KALRN: variants seen among roughly 807,000 people sequenced by gnomAD.
KALRN encodes the protein kalirin.
In KALRN, 70 loss-of-function variants were observed where a neutral mutation model predicts 353.7. The ratio of observed to expected loss-of-function variants is 0.20; its 90% confidence interval spans 0.16 to 0.24. KALRN has a LOEUF of 0.24. KALRN is among the 10% of genes least tolerant of loss of function. The pLI, the probability that KALRN is intolerant of heterozygous loss-of-function variation, is 1.00. For missense variants in KALRN, 2,791 were observed against 3,756.7 expected (o/e 0.74, Z 6.72); for synonymous variants, 1,391 against 1,434.8 (o/e 0.97, Z 0.69).
intron 1 of KALRN, among the ~76,000 whole-genome samples, chr3:124,151,141 G>C (rs897477778): frequency 2.6e-5 from 4 of 152,132 alleles, no homozygotes; most frequent in Non-Finnish European, 5.9e-5. Context: ...AGCCGCTATG[G>C]ATACTCTCGT....
At chr3:124,373,037 C>CCCTG (rs2086076866) in intron 10 of KALRN, among the ~76,000 whole-genome samples, 1 of 152,158 alleles carries the variant, frequency 6.6e-6, no homozygotes, top group African/African-American at 2.4e-5. Flanking sequence ...AGAGCCTGGG[C>CCCTG]CCTGCATTGT....
intron 1 of KALRN, among the ~76,000 whole-genome samples, chr3:124,184,344 AGTAT>A (rs2073961066): frequency 6.6e-6 from 1 of 152,262 alleles, no homozygotes; most frequent in Non-Finnish European, 1.5e-5. Context: ...GAAGAATGTA[AGTAT>A]TACATAAGCA....
intron 1 of KALRN, among the ~76,000 whole-genome samples, chr3:124,185,379 C>A (rs1411861520): frequency 6.6e-6 from 1 of 152,196 alleles, no homozygotes; most frequent in Non-Finnish European, 1.5e-5. Context: ...TGTTCTTGGG[C>A]CCCATGTTTA....
intron 9 of KALRN, among the ~76,000 whole-genome samples, chr3:124,346,710 A>G (rs905617554): frequency 7.2e-5 from 11 of 152,128 alleles, no homozygotes; most frequent in African/African-American, 2.7e-4. Context: ...ACTGGTCACC[A>G]TTGCTGTTTG....
intron 14 of KALRN, among the ~76,000 whole-genome samples, chr3:124,419,939 T>C (rs1405512368): frequency 6.6e-6 from 1 of 152,184 alleles, no homozygotes; most frequent in African/African-American, 2.4e-5. Context: ...CTGCTGCCGA[T>C]TGACAGATAT....
In KALRN at chr3:124,432,846, T is replaced by C. The variant is rs537652359; in HGVS notation, c.2830-1461T>C. 1.5e-4 allele frequency among the ~76,000 whole-genome samples: 23 copies of C among 152,292 alleles called. No homozygotes were observed. In the East Asian group the frequency reaches 4.1e-3, roughly 27 times the overall value. On this transcript the variant is annotated intron_variant, in intron 16 of 59. Coordinates refer to ENST00000682506, the MANE Select transcript of KALRN (RefSeq NM_001388419.1). ...ACAACTTGATCAAATATTCTTGGAA[T>C]TGATGTTGAGATATAGGCCACTTAG...
At chr3:124,115,960 G>C (rs1315913817) in intron 1 of KALRN, among the ~76,000 whole-genome samples, 1 of 152,228 alleles carries the variant, frequency 6.6e-6, no homozygotes, top group Non-Finnish European at 1.5e-5. Flanking sequence ...CTATTTATCA[G>C]TGTATGGTCC....
chr3:124,270,923 G>A (rs535931815), intron 5 of KALRN, among the ~76,000 whole-genome samples: 18 of 140,024 alleles, frequency 1.3e-4, no homozygotes, highest in East Asian at 6.8e-4. Context: ...TCCACCTCCC[G>A]GGTTCACGCC....
intron 33 of KALRN, among the ~76,000 whole-genome samples, chr3:124,533,346 A>C (rs1386642208): frequency 2.0e-5 from 3 of 152,214 alleles, no homozygotes; most frequent in African/African-American, 7.2e-5. Context: ...TTCATTTAAA[A>C]ATATATTGAG....
intron 51 of KALRN, among the ~76,000 whole-genome samples, chr3:124,679,992 C>T (rs2087604158): frequency 6.6e-6 from 1 of 152,048 alleles, no homozygotes; most frequent in African/African-American, 2.4e-5. Context: ...GGGTTTTATT[C>T]CCTGCTCAGT....
At chr3:124,337,429 A>G (rs1347695274) in intron 9 of KALRN, among the ~76,000 whole-genome samples, 1 of 152,108 alleles carries the variant, frequency 6.6e-6, no homozygotes, top group African/African-American at 2.4e-5. Context: ...GATTCTGTTT[A>G]TGTGATGGAT....
At chr3:124,582,917 G>C (rs541815505) in intron 34 of KALRN, among the ~76,000 whole-genome samples, 1 of 151,994 alleles carries the variant, frequency 6.6e-6, no homozygotes, top group Non-Finnish European at 1.5e-5. Flanking sequence ...CCACAGGTAT[G>C]GTCCACCAAG....
chr3:124,069,662 G>A (rs1167352774), intron 1 of KALRN, among the ~76,000 whole-genome samples: 1 of 152,216 alleles, frequency 6.6e-6, no homozygotes, highest in Non-Finnish European at 1.5e-5. Flanking sequence ...TTTTGAGTGA[G>A]GGAATTATAT....
chr3:124,588,244 T>C (rs2075411816), intron 34 of KALRN, among the ~76,000 whole-genome samples: 2 of 152,206 alleles, frequency 1.3e-5, no homozygotes, highest in Non-Finnish European at 2.9e-5. Context: ...TGTCACACTC[T>C]GTGGGGAGTT....
chr3:124,290,755 A>AAT (rs2076347464), intron 5 of KALRN, among the ~76,000 whole-genome samples: 2 of 152,204 alleles, frequency 1.3e-5, no homozygotes, highest in Admixed American at 1.3e-4. Flanking sequence ...TAAGTGAGTT[A>AAT]ATATATATAA....
intron 28 of KALRN, among the ~76,000 whole-genome samples, chr3:124,485,228 A>T (rs560616236): frequency 2.9e-4 from 44 of 152,354 alleles, no homozygotes; most frequent in African/African-American, 1.0e-3. Flanking sequence ...GGGGTTGTGA[A>T]TTTAAAAAGG....
intron 34 of KALRN, among the ~76,000 whole-genome samples, chr3:124,565,758 C>G (rs2072730706): frequency 6.6e-6 from 1 of 152,178 alleles, no homozygotes. Flanking sequence ...CCTGCTGGGG[C>G]TGCCACATGT....
chr3:124,567,345 A>G (rs956398056), intron 34 of KALRN, among the ~76,000 whole-genome samples: 11 of 152,180 alleles, frequency 7.2e-5, no homozygotes, highest in Non-Finnish European at 1.5e-4. Context: ...CAGGGCTCCC[A>G]GCACCTGTTG....
chr3:124,525,763 T>C (rs2067535726), intron 33 of KALRN, among the ~76,000 whole-genome samples: 1 of 152,236 alleles, frequency 6.6e-6, no homozygotes, highest in Non-Finnish European at 1.5e-5. Context: ...GATGCTGACC[T>C]ACTGCTTTAT....
Sources: allele counts gnomAD v4.1 joint callset (sites outside exome capture counted in the v4.1 genomes callset), GRCh38; gene constraint gnomAD v4.1.1; transcripts MANE v1.5; gene names NCBI Gene and HGNC (gene_info 2026-07-23, HGNC 2026-07-21).